KIAA1614: variants seen among roughly 807,000 people sequenced by gnomAD.
KIAA1614 encodes KIAA1614.
In KIAA1614, 76 loss-of-function variants were observed where a neutral mutation model predicts 88.7. The observed-to-expected ratio is 0.86, with a 90% CI of 0.71 to 1.04. The LOEUF is 1.04. KIAA1614 is among the 50% of genes least tolerant of loss of function. KIAA1614 has a pLI of 0.00. For missense variants in KIAA1614, 1,553 were observed against 1,582.5 expected (o/e 0.98, Z 0.32); for synonymous variants, 714 against 675.5 (o/e 1.06, Z -0.88).
At chr1:180,937,575 T>G (rs1399737356) in intron 5 of KIAA1614, among the ~76,000 whole-genome samples, 3 of 152,162 alleles carry the variant, frequency 2.0e-5, no homozygotes, top group African/African-American at 7.2e-5. Flanking sequence ...CACACATTTT[T>G]GCTCTAATGT....
intron 3 of KIAA1614, among the ~76,000 whole-genome samples, chr1:180,926,691 G>A (rs1553258787): frequency 6.6e-6 from 1 of 152,214 alleles, no homozygotes; most frequent in Non-Finnish European, 1.5e-5. Context: ...CCGAGTGTGC[G>A]GGCTGGCAGC....
rs781510193 is a variant in KIAA1614, at chr1:180,936,343, C to A, written c.2434C>A (p.Pro812Thr). ...TGAAGGCTGGGCGCCAACCCCTCCC[C>A]CTTCGAGGAAAACCACCTCGCCAGT... The part of the protein sequence containing the change: ...CPEGWAPTPP[P>T]SRKTTSPVSH... The change falls in exon 5 of 9, where the codon CCT becomes ACT. Residue 812 changes from proline (P) to threonine (T), a missense_variant. Pro to Thr is a conservative substitution (Grantham distance 38). Transcript: ENST00000367588. The A allele has an allele frequency of 1.2e-6, 2 of 1,614,200 alleles. No individual in the cohort carries two copies. The highest frequency in any genetic ancestry group is 2.2e-5 in the South Asian group (2 of 91,088).
chr1:180,925,344 G>A (rs1352818871), intron 3 of KIAA1614, among the ~76,000 whole-genome samples: 7 of 152,160 alleles, frequency 4.6e-5, no homozygotes, highest in Admixed American at 3.3e-4. Context: ...TTTCAAATAC[G>A]CAAACATGGA....
intron 4 of KIAA1614, among the ~76,000 whole-genome samples, chr1:180,934,252 CAAAA>C (rs71121058): frequency 6.9e-5 from 7 of 101,808 alleles, no homozygotes; most frequent in East Asian, 2.9e-4. Context: ...AACTCCGTCT[CAAAA>C]AAAAAAAAAA....
intron 2 of KIAA1614, 43 bp downstream of exon 2, chr1:180,917,143 G>C: frequency 6.6e-7 from 1 of 1,523,734 alleles, no homozygotes; most frequent in Non-Finnish European, 9.0e-7. Flanking sequence ...GGGAGCAGGA[G>C]GGAATCCAGA....
chr1:180,915,625 T>G (rs1424064654), intron 1 of KIAA1614, among the ~76,000 whole-genome samples: 1 of 152,198 alleles, frequency 6.6e-6, no homozygotes, highest in Non-Finnish European at 1.5e-5. Flanking sequence ...TTTTTAAAAG[T>G]GCTTTCACGT....
In KIAA1614 at chr1:180,941,295, G is replaced by T. The variant is rs763739109; in HGVS notation, c.3159+10G>T. 4 of 1,597,780 alleles carry T rather than the reference G, an allele frequency of 2.5e-6. No individual in the cohort carries two copies. The highest frequency in any genetic ancestry group is 3.4e-6 in the Non-Finnish European group (4 of 1,168,664). On this transcript the variant is annotated intron_variant, in intron 7 of 8. Transcript: ENST00000367588. ...ACAATCCCTGCACCCGGTGAGTCCAGGGGCCCCAGCCCAGGGAGTGAAGCC... is the reference window on the plus strand; with the variant it reads ...ACAATCCCTGCACCCGGTGAGTCCATGGGCCCCAGCCCAGGGAGTGAAGCC...
chr1:180,920,670 T>C (rs1653933075), intron 3 of KIAA1614, among the ~76,000 whole-genome samples: 2 of 148,290 alleles, frequency 1.3e-5, no homozygotes, highest in African/African-American at 5.1e-5. Flanking sequence ...GCTCATGACA[T>C]GATGGTGACA....
intron 4 of KIAA1614, among the ~76,000 whole-genome samples, chr1:180,931,085 G>C (rs1654187557): frequency 6.6e-6 from 1 of 152,244 alleles, no homozygotes; most frequent in Non-Finnish European, 1.5e-5. Flanking sequence ...AGCCTGAACA[G>C]ACAGGGACTC....
intron 6 of KIAA1614, among the ~76,000 whole-genome samples, chr1:180,939,870 T>C (rs1227041229): frequency 2.0e-5 from 3 of 152,188 alleles, no homozygotes; most frequent in Non-Finnish European, 2.9e-5. Context: ...CCAAGCCTCA[T>C]GGCCTGGCCC....
At chr1:180,943,174 A>G (rs185754742) in intron 7 of KIAA1614, among the ~76,000 whole-genome samples, 21 of 152,132 alleles carry the variant, frequency 1.4e-4, no homozygotes, top group African/African-American at 4.6e-4. Context: ...GTACAGGCAT[A>G]GGCCACCACA....
chr1:180,945,155 C>A, intron 8 of KIAA1614, 148 bp from the exon 9 acceptor site: 3 of 963,780 alleles, frequency 3.1e-6, no homozygotes, highest in South Asian at 2.0e-5. Context: ...CCCTAGCAGG[C>A]TCTTTTTGCT....
In KIAA1614 at chr1:180,938,537, A is replaced by C. The variant is rs1654381848; in HGVS notation, c.2762-18A>C. 6.2e-7 allele frequency: 1 copy of C among 1,612,834 alleles called. No homozygotes were observed. ...GATGAGCCGGTCTGACTCAGGTGGGATGCTGTGCTTGTTTCAGGAGGACCC... is the reference window on the plus strand; with the variant it reads ...GATGAGCCGGTCTGACTCAGGTGGGCTGCTGTGCTTGTTTCAGGAGGACCC... On this transcript the variant is annotated intron_variant, in intron 5 of 8. Coordinates refer to ENST00000367588, the MANE Select transcript of KIAA1614 (RefSeq NM_020950.2).
intron 3 of KIAA1614, among the ~76,000 whole-genome samples, chr1:180,924,577 C>T (rs1571287920): frequency 6.6e-6 from 1 of 152,196 alleles, no homozygotes; most frequent in African/African-American, 2.4e-5. Context: ...TCCTCCTTCT[C>T]CATTGACAGG....
Position 180,935,437 on chromosome 1 carries a change from G to A in KIAA1614, c.1528G>A (p.Gly510Arg). Residue 510 changes from glycine to arginine, a missense_variant, in exon 5 of 9, where the codon GGG becomes AGG. Transcript: ENST00000367588. The surrounding 1 kb of genome is among the most constrained non-coding windows in gnomAD (Gnocchi z 6.1). ...GAPRLRDAGQ[G>R]TFHRLVGSLD... The stretch of plus-strand genomic sequence containing the variant: ...TCCCCGGCTCCGGGACGCGGGGCAG[G>A]GGACATTCCACAGGCTTGTGGGCAG... 1.4e-6 allele frequency: 2 copies of A among 1,479,170 alleles called. No homozygotes were observed. The highest frequency in any genetic ancestry group is 8.9e-7 in the Non-Finnish European group (1 of 1,121,322). The allele number at this position is 1,479,170 out of a possible 1,614,324, so 91.6% of individuals were successfully genotyped here.
intron 3 of KIAA1614, among the ~76,000 whole-genome samples, chr1:180,919,649 G>GTGGC (rs1449578701): frequency 2.0e-5 from 3 of 152,284 alleles, no homozygotes; most frequent in Admixed American, 1.3e-4. Flanking sequence ...ATTCTGCTCA[G>GTGGC]TGGCCACTGC....
chr1:180,930,860 A>C (rs892555296), intron 4 of KIAA1614, among the ~76,000 whole-genome samples: 1 of 152,252 alleles, frequency 6.6e-6, no homozygotes, highest in Non-Finnish European at 1.5e-5. Context: ...TCTAAAGGTT[A>C]CGCTCCGTCA....
At chr1:180,923,696 C>G (rs769359967) in intron 3 of KIAA1614, among the ~76,000 whole-genome samples, 2 of 152,220 alleles carry the variant, frequency 1.3e-5, no homozygotes, top group Middle Eastern at 3.4e-3. Context: ...CTGGCAGAGG[C>G]ACGTCGTAAA....
In KIAA1614 at chr1:180,943,035, T is replaced by TTTTTTTTGTTTG. The variant is rs1654505802; in HGVS notation, c.3160-1347_3160-1346insGTTTGTTTTTTT. ...GGAGGCTTAGTTTTTTGGGTTTTTT[T>TTTTTTTTGTTTG]TTTTTTTTTAAGATGGAGTCTCACT... On this transcript the variant is annotated intron_variant, in intron 7 of 8. Transcript: ENST00000367588. Among the ~76,000 whole-genome samples, 4 of 7,142 alleles carry TTTTTTTTGTTTG rather than the reference T, an allele frequency of 5.6e-4. 1 individual carries two copies. The highest frequency in any genetic ancestry group is 1.6e-3 in the Non-Finnish European group (2 of 1,246). The allele number at this position is 7,142 out of a possible 152,430, so 4.7% of individuals were successfully genotyped here. A position where few individuals can be genotyped will look rare whatever the true frequency, so the allele number is the denominator to read the frequency against.
Sources: allele counts gnomAD v4.1 joint callset (sites outside exome capture counted in the v4.1 genomes callset), GRCh38; gene constraint gnomAD v4.1.1; non-coding constraint Gnocchi (gnomAD v3.1); transcripts MANE v1.5; gene names NCBI Gene and HGNC (gene_info 2026-07-23, HGNC 2026-07-21).